Variants in STRA6 observed in about 807,000 individuals in gnomAD.
STRA6 encodes signaling receptor and transporter of retinol STRA6, also known as receptor for retinol uptake STRA6.
A neutral mutation model predicts 83.6 loss-of-function variants in STRA6; 48 were observed. The observed-to-expected ratio is 0.57, with a 90% CI of 0.46 to 0.73. The LOEUF (loss-of-function observed/expected upper bound fraction) is 0.73, where lower values mean the gene tolerates loss of function less well. STRA6 is among the 30% of genes least tolerant of loss of function. The pLI, the probability that STRA6 is intolerant of heterozygous loss-of-function variation, is 0.00. For missense variants in STRA6, 760 were observed against 838.8 expected (o/e 0.91, Z 1.16); for synonymous variants, 353 against 362.3 (o/e 0.97, Z 0.29).
At chr15:74,204,089 C>G (rs967737890), upstream of STRA6, among the ~76,000 whole-genome samples, 34 of 152,212 alleles carry the variant, frequency 2.2e-4, no homozygotes, top group African/African-American at 8.0e-4. Context: ...GCCCTTCTTG[C>G]AGGAAGAGGG....
chr15:74,197,198 G>T, intron 4 of STRA6, 140 bp downstream of exon 4: 1 of 653,168 alleles, frequency 1.5e-6, no homozygotes, highest in Non-Finnish European at 2.7e-6. Flanking sequence ...GTGGGGGTGA[G>T]GAAAGCTCCA....
chr15:74,191,084 G>T, intron 10 of STRA6, 83 bp downstream of exon 10: 2 of 1,580,954 alleles, frequency 1.3e-6, no homozygotes, highest in South Asian at 1.2e-5. Flanking sequence ...TGGGGAGCAG[G>T]AGCCAGTCCT....
chr15:74,212,064 G>A (rs139961447), upstream of STRA6: 2 of 152,430 alleles, frequency 1.3e-5, no homozygotes, highest in African/African-American at 4.8e-5. Context: ...CTCTGATCTT[G>A]GGCCTTGTCT....
At chr15:74,194,995 A>G in intron 7 of STRA6, 2 of 1,432,628 alleles carry the variant, frequency 1.4e-6, no homozygotes, top group Non-Finnish European at 1.8e-6. Flanking sequence ...CTGGGGGATC[A>G]CTAACACAGG....
intron 1 of STRA6, chr15:74,208,051 A>G: frequency 7.6e-7 from 1 of 1,312,238 alleles, no homozygotes; most frequent in East Asian, 3.4e-5. Flanking sequence ...CATCATCATA[A>G]CATAAAGGAT....
intron 12 of STRA6, among the ~76,000 whole-genome samples, chr15:74,186,518 G>GA (rs1323935911): frequency 6.6e-6 from 1 of 152,228 alleles, no homozygotes; most frequent in East Asian, 1.9e-4. Flanking sequence ...TGAGATGGGA[G>GA]AATCACTTGA....
chr15:74,184,989 A>G lies in STRA6; in HGVS notation c.1157T>C (p.Val386Ala), dbSNP rs755124925. Residue 386 changes from valine to alanine, a missense_variant, in exon 13 of 19, where the codon GTG (valine) becomes GCG (alanine). Transcript: ENST00000395105. ...AGAGTCTGTCACTCACCTGTGTGTCACCAGTGAGCGCATCAGGACCAGGAA... is the reference window on the plus strand; with the variant it reads ...AGAGTCTGTCACTCACCTGTGTGTCGCCAGTGAGCGCATCAGGACCAGGAA... ...LTFLVLMRSLVTHRTNLRALH... is the reference protein window; with the variant it reads ...LTFLVLMRSLATHRTNLRALH... The G allele has an allele frequency of 2.4e-5, 39 of 1,613,768 alleles. No individual in the cohort carries two copies. The highest frequency in any genetic ancestry group is 3.2e-5 in the Non-Finnish European group (38 of 1,179,926).
At chr15:74,203,946 C>G (rs1459281004), upstream of STRA6, among the ~76,000 whole-genome samples, 1 of 152,198 alleles carries the variant, frequency 6.6e-6, no homozygotes, top group Non-Finnish European at 1.5e-5. Flanking sequence ...ACAGAGGAAA[C>G]AGCACGGGTG....
At chr15:74,206,229 G>C (rs1431011961), upstream of STRA6, among the ~76,000 whole-genome samples, 1 of 152,224 alleles carries the variant, frequency 6.6e-6, no homozygotes, top group East Asian at 1.9e-4. Context: ...CTGGCCCCCA[G>C]CTGCCCTGCC....
chr15:74,202,311 G>T, intron 1 of STRA6, 29 bp from the exon 2 acceptor site: 2 of 1,561,942 alleles, frequency 1.3e-6, no homozygotes, highest in African/African-American at 1.4e-5. Context: ...GAAAAAAAAA[G>T]CCACTACAGA....
At chr15:74,203,113 T>A, upstream of STRA6, 1 of 985,558 alleles carries the variant, frequency 1.0e-6, no homozygotes, top group Non-Finnish European at 1.2e-6. Flanking sequence ...GACGGACCGC[T>A]GGGGCTGGGC....
rs114002691 is a variant in STRA6 at position 74,187,824 on chromosome 15, G to C, written c.1090+1291C>G. On this transcript the variant is annotated intron_variant, in intron 12 of 18. Coordinates refer to ENST00000395105, the MANE Select transcript of STRA6 (RefSeq NM_022369.4). ...CAATTAAAAATATAAGACATGATGA[G>C]TGGAAGCAGAGTCCTTTGCCCTGGA... Among the ~76,000 whole-genome samples the C allele has an allele frequency of 3.7e-3, 562 of 152,306 alleles. 3 individuals carry two copies. Among genetic ancestry groups the C allele is most frequent in the African/African-American group, 0.011 (477 of 41,556 alleles).
At position 74,197,400 on chromosome 15, in the gene STRA6, G is replaced by A. The variant is rs2073868085; in HGVS notation, c.204C>T (p.Ala68=). The A allele has an allele frequency of 1.3e-6, 2 of 1,550,496 alleles. No homozygotes were observed. The change falls in exon 4 of 19, where the codon GCC becomes GCT. Residue 68 remains alanine, a synonymous_variant. Coordinates refer to ENST00000395105, the MANE Select transcript of STRA6 (RefSeq NM_022369.4). ...SLSILVLLLL[A]MLVRRRQLWP... is the part of the protein sequence containing the mutation. ...AGAGCTGGCGGCGCCTCACCAGCAT[G>A]GCCAGGAGCAGCAGCACAAGGATCT... is the stretch of plus-strand genomic sequence containing the variant.
chr15:74,209,741 G>A, upstream of STRA6: 1 of 385,294 alleles, frequency 2.6e-6, no homozygotes, highest in Non-Finnish European at 4.7e-6. Context: ...TTCCTAGAGG[G>A]GGTATCCTGC....
intron 11 of STRA6, 53 bp downstream of exon 11, chr15:74,190,787 G>A: frequency 6.2e-7 from 1 of 1,613,362 alleles, no homozygotes; most frequent in Non-Finnish European, 8.5e-7. Context: ...CCAGGCTTGG[G>A]GGTTGAGGGC....
intron 12 of STRA6, among the ~76,000 whole-genome samples, chr15:74,186,170 A>G (rs1312329838): frequency 6.6e-6 from 1 of 152,248 alleles, no homozygotes; most frequent in Non-Finnish European, 1.5e-5. Context: ...CTGTGAAAGC[A>G]ACACTGGTGA....
chr15:74,189,633 C>T (rs1178704853), intron 11 of STRA6, among the ~76,000 whole-genome samples: 1 of 150,748 alleles, frequency 6.6e-6, no homozygotes, highest in South Asian at 2.1e-4. Flanking sequence ...ACAAATAATA[C>T]AAATAAAAAA....
upstream of STRA6, among the ~76,000 whole-genome samples, chr15:74,204,791 C>T (rs901501384): frequency 4.6e-5 from 7 of 152,002 alleles, no homozygotes; most frequent in South Asian, 2.1e-4. Context: ...AAAAATTAGC[C>T]GGACGTGGTG....
intron 7 of STRA6, 117 bp from the exon 8 acceptor site, chr15:74,194,039 G>A (rs1311091955): frequency 1.3e-6 from 2 of 1,518,494 alleles, no homozygotes; most frequent in African/African-American, 1.4e-5. Flanking sequence ...GGGGGCCATG[G>A]GAAGGCTTCA....
Sources: gnomAD v4.1 joint callset for allele counts (sites outside exome capture counted in the v4.1 genomes callset) on GRCh38, gnomAD v4.1.1 for gene constraint, MANE v1.5 for transcripts, NCBI Gene and HGNC (gene_info 2026-07-23, HGNC 2026-07-21) for gene names.